Variants in ITPR1 observed in about 807,000 individuals in gnomAD.
ITPR1 encodes the protein inositol 1,4,5-trisphosphate-gated calcium channel ITPR1.
A neutral mutation model predicts 318.4 loss-of-function variants in ITPR1; 96 were observed. The observed-to-expected ratio is 0.30, with a 90% CI of 0.26 to 0.36. ITPR1 has a LOEUF of 0.36. Ranked by LOEUF, ITPR1 falls within the 10% of genes least tolerant of loss-of-function variation. ITPR1 has a pLI of 1.00. For missense variants in ITPR1, 2,440 were observed against 3,460.2 expected (o/e 0.71, Z 7.40); for synonymous variants, 1,312 against 1,289.9 (o/e 1.02, Z -0.37).
chr3:4,788,733 G>C (rs1015086167), intron 52 of ITPR1, among the ~76,000 whole-genome samples: 2 of 152,194 alleles, frequency 1.3e-5, no homozygotes, highest in African/African-American at 4.8e-5. Context: ...TGTGTTCCTG[G>C]TTTTCACTGG....
chr3:4,605,225 T>C (rs1268232765), intron 4 of ITPR1, among the ~76,000 whole-genome samples: 1 of 152,140 alleles, frequency 6.6e-6, no homozygotes, highest in Non-Finnish European at 1.5e-5. Context: ...GTTCTGGGAT[T>C]ACAGGCCTGA....
chr3:4,549,479 C>CCCCT lies in ITPR1; in HGVS notation c.163+28399_163+28402dup, dbSNP rs1009470780. On this transcript the variant is annotated intron_variant, in intron 4 of 61. Coordinates refer to ENST00000649015, the MANE Select transcript of ITPR1 (RefSeq NM_001378452.1). ...AACATCAGCCCTTGAATTTGGAGGACCCCTCCCTCCCTCCCTCTCTTCCTT... is the reference window on the plus strand; with the variant it reads ...AACATCAGCCCTTGAATTTGGAGGACCCCTCCCTCCCTCCCTCCCTCTCTTCCTT... 3.0e-4 allele frequency among the ~76,000 whole-genome samples: 45 copies of CCCCT among 149,916 alleles called. 1 individual carries two copies. The highest frequency in any genetic ancestry group is 4.3e-4 in the Non-Finnish European group (29 of 67,336).
chr3:4,614,121 C>T (rs982499490), intron 4 of ITPR1, among the ~76,000 whole-genome samples: 1 of 152,136 alleles, frequency 6.6e-6, no homozygotes, highest in South Asian at 2.1e-4. Flanking sequence ...AAAAAATTAG[C>T]CAGGCGTGGC....
At chr3:4,515,288 A>G (rs576718258) in intron 2 of ITPR1, among the ~76,000 whole-genome samples, 1 of 152,308 alleles carries the variant, frequency 6.6e-6, no homozygotes, top group East Asian at 1.9e-4. Context: ...CCTGAAAGAA[A>G]ACTTGGCACC....
chr3:4,707,850 A>G (rs1306956653), intron 37 of ITPR1, among the ~76,000 whole-genome samples: 1 of 152,176 alleles, frequency 6.6e-6, no homozygotes, highest in Non-Finnish European at 1.5e-5. Context: ...CTACTTGAAG[A>G]CAGATGAATT....
At chr3:4,644,093 T>A (rs1451181461) in intron 7 of ITPR1, 43 bp from the exon 8 acceptor site, 1 of 1,336,444 alleles carries the variant, frequency 7.5e-7, no homozygotes. Context: ...TCCGCAGTCC[T>A]TATCAGTTTT....
intron 2 of ITPR1, among the ~76,000 whole-genome samples, chr3:4,502,815 C>G (rs1244116983): frequency 2.0e-5 from 3 of 152,066 alleles, no homozygotes; most frequent in African/African-American, 7.2e-5. Context: ...GGCATCGTGG[C>G]TCACGCCTGT....
chr3:4,573,015 A>G (rs2088192238), intron 4 of ITPR1, among the ~76,000 whole-genome samples: 1 of 152,118 alleles, frequency 6.6e-6, no homozygotes, highest in South Asian at 2.1e-4. Context: ...GGTTGCCTCT[A>G]CCTTTTGACG....
intron 44 of ITPR1, among the ~76,000 whole-genome samples, chr3:4,747,617 G>T (rs953217912): frequency 1.2e-4 from 19 of 152,320 alleles, no homozygotes; most frequent in African/African-American, 4.3e-4. Flanking sequence ...TATAAGGTCT[G>T]CCCATGAATT....
At position 4,667,313 on chromosome 3, in the gene ITPR1, G is replaced by T. The variant is rs7625003; in HGVS notation, c.1714-64G>T. The T allele has an allele frequency of 0.052, 66,098 of 1,282,126 alleles. 4,521 individuals are homozygous for T. The highest frequency in any genetic ancestry group is 0.31 in the African/African-American group (20,399 of 66,600). 79.4% of individuals were successfully genotyped at this position (1,282,126 alleles called of 1,614,324 possible). A position where few individuals can be genotyped will look rare whatever the true frequency, so the allele number is the denominator to read the frequency against. ...TCAGGAAACATTGCTGCTTTCTTTA[G>T]TCTACGCTTAACCATATTGTCATTT... On this transcript the variant is annotated intron_variant, in intron 17 of 61. Transcript: ENST00000649015.
chr3:4,613,793 G>T (rs537300085), intron 4 of ITPR1, among the ~76,000 whole-genome samples: 4 of 151,916 alleles, frequency 2.6e-5, no homozygotes, highest in East Asian at 3.9e-4. Context: ...TTTTATTGAG[G>T]TATTTCATAT....
At chr3:4,611,712 C>T (rs2092133714) in intron 4 of ITPR1, among the ~76,000 whole-genome samples, 1 of 152,100 alleles carries the variant, frequency 6.6e-6, no homozygotes, top group Non-Finnish European at 1.5e-5. Context: ...TGCCACTGCA[C>T]TCCAGCTTGG....
intron 60 of ITPR1, among the ~76,000 whole-genome samples, chr3:4,831,893 G>C (rs1182156211): frequency 2.6e-5 from 4 of 152,206 alleles, no homozygotes; most frequent in African/African-American, 9.7e-5. Flanking sequence ...CTAAACATTT[G>C]CACTTTGAGA....
intron 11 of ITPR1, among the ~76,000 whole-genome samples, chr3:4,652,886 G>T (rs2093627170): frequency 6.6e-6 from 1 of 152,056 alleles, no homozygotes; most frequent in African/African-American, 2.4e-5. Context: ...TACTTGGGAG[G>T]GTGAAGCAGG....
intron 4 of ITPR1, among the ~76,000 whole-genome samples, chr3:4,544,790 GCAA>G (rs1170982068): frequency 2.0e-5 from 3 of 152,230 alleles, no homozygotes; most frequent in African/African-American, 7.2e-5. Flanking sequence ...TGCTTTCATT[GCAA>G]CAACAACTTT....
chr3:4,768,734 C>T lies in ITPR1; in HGVS notation c.5949C>T (p.Leu1983=), dbSNP rs747221954. 9 of 1,613,174 alleles carry T rather than the reference C, an allele frequency of 5.6e-6. 1 individual carries two copies. The highest frequency in any genetic ancestry group is 7.6e-6 in the Non-Finnish European group (9 of 1,179,478). The change falls in exon 46 of 62, where the codon CTC becomes CTT. Residue 1983 remains leucine (L), a synonymous_variant. Coordinates refer to ENST00000649015, the MANE Select transcript of ITPR1 (RefSeq NM_001378452.1). ...IMQPILRFLQ[L]LCENHNRDLQ... The stretch of plus-strand genomic sequence containing the variant: ...AGCCCATCCTCCGCTTCCTTCAGCT[C>T]CTGTGTGAAAACCACAACCGAGACC...
chr3:4,510,931 G>T (rs1426304207), intron 2 of ITPR1, among the ~76,000 whole-genome samples: 2 of 152,132 alleles, frequency 1.3e-5, no homozygotes, highest in Non-Finnish European at 2.9e-5. Context: ...GGGCCCTGTG[G>T]CAGGGAACAT....
chr3:4,537,951 T>C (rs191391398), intron 4 of ITPR1, among the ~76,000 whole-genome samples: 30 of 152,370 alleles, frequency 2.0e-4, no homozygotes, highest in African/African-American at 6.5e-4. Context: ...TTTTTCTGTC[T>C]TATTACTCTT....
chr3:4,556,713 T>A (rs942730547), intron 4 of ITPR1, among the ~76,000 whole-genome samples: 1 of 152,176 alleles, frequency 6.6e-6, no homozygotes, highest in Non-Finnish European at 1.5e-5. Context: ...TTCATTCACT[T>A]ACTGAAAGAT....
Sources: allele counts gnomAD v4.1 joint callset (sites outside exome capture counted in the v4.1 genomes callset), GRCh38; gene constraint gnomAD v4.1.1; transcripts MANE v1.5; gene names NCBI Gene and HGNC (gene_info 2026-07-23, HGNC 2026-07-21).